The following MATCAP2 variants were observed in gnomAD, a reference collection of about 807,000 sequenced individuals.
MATCAP2 encodes the protein putative tyrosine carboxypeptidase MATCAP2.
the MATCAP2 span, among the ~76,000 whole-genome samples, chr7:36,367,634 C>G: frequency 2.6e-5 from 4 of 152,202 alleles, no homozygotes; most frequent in Admixed American, 6.5e-5. Flanking sequence ...GACCACTTGA[C>G]GGTACCTCAG....
chr7:36,339,879 G>A, the MATCAP2 span, among the ~76,000 whole-genome samples: 1 of 152,068 alleles, frequency 6.6e-6, no homozygotes, highest in African/African-American at 2.4e-5. Flanking sequence ...TCACTCTGTT[G>A]CCAGGCTGAG....
At chr7:36,358,992 CA>C in the MATCAP2 span, among the ~76,000 whole-genome samples, 1 of 152,166 alleles carries the variant, frequency 6.6e-6, no homozygotes, top group Non-Finnish European at 1.5e-5. Context: ...CTCATCTGAA[CA>C]AGACTCCAGC....
At chr7:36,375,270 T>A in the MATCAP2 span, among the ~76,000 whole-genome samples, 22 of 152,230 alleles carry the variant, frequency 1.4e-4, no homozygotes, top group Admixed American at 1.4e-3. Context: ...TGATTTTGAT[T>A]TGCATTTCTC....
the MATCAP2 span, among the ~76,000 whole-genome samples, chr7:36,382,431 C>T: frequency 6.6e-6 from 1 of 151,358 alleles, no homozygotes; most frequent in East Asian, 1.9e-4. Context: ...TCTGTTACTT[C>T]TGTAATATTT....
the MATCAP2 span, among the ~76,000 whole-genome samples, chr7:36,389,307 C>T: frequency 2.0e-5 from 3 of 152,024 alleles, no homozygotes; most frequent in Non-Finnish European, 2.9e-5. Flanking sequence ...GTGATCTGCC[C>T]GCCTCGGCCT....
chr7:36,385,788 A>AAAATG, the MATCAP2 span, among the ~76,000 whole-genome samples: 2 of 29,474 alleles, frequency 6.8e-5, no homozygotes, highest in African/African-American at 1.5e-4. Context: ...CCTATTTCAA[A>AAAATG]AAATAAAATA....
chr7:36,341,691 C>T, the MATCAP2 span, among the ~76,000 whole-genome samples: 1 of 152,112 alleles, frequency 6.6e-6, no homozygotes, highest in African/African-American at 2.4e-5. Flanking sequence ...TCACCTGAGG[C>T]CAGAAGTTCA....
the MATCAP2 span, chr7:36,366,672 C>G: frequency 1.3e-6 from 2 of 1,533,380 alleles, no homozygotes; most frequent in African/African-American, 1.4e-5. Context: ...ATATTACAAT[C>G]TTTTCCACGA....
At chr7:36,377,148 G>A in the MATCAP2 span, among the ~76,000 whole-genome samples, 36 of 152,054 alleles carry the variant, frequency 2.4e-4, no homozygotes, top group African/African-American at 6.5e-4. Flanking sequence ...TCATTATGAT[G>A]TTAGCTGGTT....
At chr7:36,326,739 T>C in the MATCAP2 span, 6 of 1,602,844 alleles carry the variant, frequency 3.7e-6, no homozygotes, top group African/African-American at 1.3e-5. Flanking sequence ...AGCTTAGCTA[T>C]GTTTGCCAGA....
chr7:36,380,459 T>C, the MATCAP2 span, among the ~76,000 whole-genome samples: 1 of 152,152 alleles, frequency 6.6e-6, no homozygotes, highest in Non-Finnish European at 1.5e-5. Flanking sequence ...TTTCTGGCAA[T>C]GTTGAGCAAG....
At chr7:36,390,105 C>T in the MATCAP2 span, 2 of 1,610,194 alleles carry the variant, frequency 1.2e-6, no homozygotes, top group Non-Finnish European at 1.7e-6. Context: ...CACCCACCTT[C>T]CTCTGTCAAC....
At chr7:36,335,154 G>C in the MATCAP2 span, 1 of 1,613,798 alleles carries the variant, frequency 6.2e-7, no homozygotes, top group Admixed American at 1.7e-5. Flanking sequence ...CGGGAAAGCA[G>C]GTCCTCAGTG....
chr7:36,390,098 C>A, the MATCAP2 span: 1 of 1,611,784 alleles, frequency 6.2e-7, no homozygotes, highest in South Asian at 1.1e-5. Flanking sequence ...AGGCCCCCAC[C>A]CACCTTCCTC....
chr7:36,359,089 A>C, the MATCAP2 span, among the ~76,000 whole-genome samples: 1 of 152,240 alleles, frequency 6.6e-6, no homozygotes. Flanking sequence ...CATTCTGAAT[A>C]AATATGTACT....
chr7:36,336,056 G>A, the MATCAP2 span: 1 of 907,670 alleles, frequency 1.1e-6, no homozygotes, highest in South Asian at 3.2e-5. Flanking sequence ...GGGCAACAGA[G>A]CGAGACTCCA....
the MATCAP2 span, chr7:36,336,207 G>T: frequency 6.5e-7 from 1 of 1,536,228 alleles, no homozygotes; most frequent in Non-Finnish European, 8.7e-7. Flanking sequence ...CTCCAGATTC[G>T]AGTTTTAGAG....
At chr7:36,337,053 G>A in the MATCAP2 span, among the ~76,000 whole-genome samples, 14 of 120,248 alleles carry the variant, frequency 1.2e-4, no homozygotes, top group African/African-American at 3.5e-4. Context: ...AGCCGAGATC[G>A]CGCCATTGCA....
chr7:36,334,253 C>T, the MATCAP2 span: 13 of 1,153,234 alleles, frequency 1.1e-5, no homozygotes, highest in Admixed American at 4.4e-5. Flanking sequence ...AATCCTAAAA[C>T]CAGCCAGGCG....
Sources: gnomAD v4.1 joint callset for allele counts (sites outside exome capture counted in the v4.1 genomes callset) on GRCh38, gnomAD v4.1.1 for gene constraint, MANE v1.5 for transcripts, NCBI Gene and HGNC (gene_info 2026-07-23, HGNC 2026-07-21) for gene names.